FAM171A1: variants seen among roughly 807,000 people sequenced by gnomAD.
FAM171A1 encodes the protein family with sequence similarity 171 member A1.
A neutral mutation model predicts 74.9 loss-of-function variants in FAM171A1; 23 were observed. That is an observed-to-expected ratio of 0.31 (90% CI 0.22 to 0.44). FAM171A1 has a LOEUF of 0.44. Ranked by LOEUF, FAM171A1 falls within the 20% of genes least tolerant of loss-of-function variation. The pLI is 1.00. For missense variants in FAM171A1, 1,162 were observed against 1,159.2 expected (o/e 1.00, Z -0.03); for synonymous variants, 527 against 505.7 (o/e 1.04, Z -0.57).
intron 1 of FAM171A1, among the ~76,000 whole-genome samples, chr10:15,300,308 A>G (rs1835212527): frequency 6.6e-6 from 1 of 152,226 alleles, no homozygotes; most frequent in African/African-American, 2.4e-5. Flanking sequence ...TCACGACCAC[A>G]TGGTCTGGGG....
At chr10:15,215,009 C>G (rs908140492) in intron 7 of FAM171A1, among the ~76,000 whole-genome samples, 3 of 152,012 alleles carry the variant, frequency 2.0e-5, no homozygotes, top group Non-Finnish European at 4.4e-5. Context: ...CAATCCTCCC[C>G]CTTCAGCCTC....
chr10:15,218,696 G>A (rs376517501), intron 6 of FAM171A1, among the ~76,000 whole-genome samples: 3 of 151,786 alleles, frequency 2.0e-5, no homozygotes, highest in Admixed American at 6.6e-5. Context: ...CTGAGCTCAC[G>A]GGATCCTCCT....
At chr10:15,373,968 C>T (rs1201175033), upstream of FAM171A1, among the ~76,000 whole-genome samples, 5 of 152,056 alleles carry the variant, frequency 3.3e-5, no homozygotes, top group East Asian at 1.9e-4. Flanking sequence ...CTAAAGCCAT[C>T]GTTTTCAGTT....
At chr10:15,320,382 C>G (rs1448151548) in intron 1 of FAM171A1, among the ~76,000 whole-genome samples, 2 of 152,176 alleles carry the variant, frequency 1.3e-5, no homozygotes, top group Non-Finnish European at 2.9e-5. Flanking sequence ...TGATGGGCTT[C>G]TAGGTTGATT....
At chr10:15,235,072 G>A (rs1355006547) in intron 5 of FAM171A1, among the ~76,000 whole-genome samples, 1 of 152,130 alleles carries the variant, frequency 6.6e-6, no homozygotes, top group Non-Finnish European at 1.5e-5. Context: ...CACTTTGGGA[G>A]GTCCAGGAGG....
At chr10:15,287,091 C>CTTTTT (rs145921203) in intron 1 of FAM171A1, among the ~76,000 whole-genome samples, 4 of 129,512 alleles carry the variant, frequency 3.1e-5, no homozygotes, top group African/African-American at 8.8e-5. Flanking sequence ...TTTTCTTCTT[C>CTTTTT]TTTTTTTTTT....
chr10:15,222,768 C>T (rs1834054897), intron 5 of FAM171A1, among the ~76,000 whole-genome samples: 1 of 152,256 alleles, frequency 6.6e-6, no homozygotes, highest in African/African-American at 2.4e-5. Context: ...CTGGCAGCCG[C>T]TCCTCTGCTC....
At chr10:15,221,403 G>T (rs548203055) in intron 5 of FAM171A1, among the ~76,000 whole-genome samples, 1 of 152,188 alleles carries the variant, frequency 6.6e-6, no homozygotes, top group Non-Finnish European at 1.5e-5. Context: ...GGGGGCTGGT[G>T]GGAGTGAAAA....
At chr10:15,224,157 G>C (rs1193260145) in intron 5 of FAM171A1, among the ~76,000 whole-genome samples, 2 of 152,118 alleles carry the variant, frequency 1.3e-5, no homozygotes, top group African/African-American at 4.8e-5. Flanking sequence ...TAGTTTTGAT[G>C]AACAGGCAGG....
chr10:15,334,457 A>C (rs1338783446), intron 1 of FAM171A1, among the ~76,000 whole-genome samples: 2 of 152,348 alleles, frequency 1.3e-5, no homozygotes, highest in Non-Finnish European at 2.9e-5. Context: ...TTTTGTTTAT[A>C]ATCTGCAGGA....
chr10:15,325,083 C>G (rs750789557), intron 1 of FAM171A1, among the ~76,000 whole-genome samples: 30 of 152,358 alleles, frequency 2.0e-4, no homozygotes, highest in Middle Eastern at 3.4e-3. Context: ...GCTCCCCACT[C>G]CTTTCCTCCT....
chr10:15,263,725 A>ATCTG (rs1232939087), intron 3 of FAM171A1, among the ~76,000 whole-genome samples: 9 of 122,152 alleles, frequency 7.4e-5, no homozygotes, highest in Admixed American at 1.7e-4. Context: ...CTATCAATCT[A>ATCTG]TCTATCTATC....
chr10:15,349,155 A>G (rs747544763), intron 1 of FAM171A1, among the ~76,000 whole-genome samples: 16 of 152,180 alleles, frequency 1.1e-4, no homozygotes, highest in Non-Finnish European at 1.3e-4. Context: ...CCCTTAGATC[A>G]TTATCCAGAA....
At chr10:15,308,343 G>A (rs1160087150) in intron 1 of FAM171A1, among the ~76,000 whole-genome samples, 1 of 152,196 alleles carries the variant, frequency 6.6e-6, no homozygotes, top group Non-Finnish European at 1.5e-5. Flanking sequence ...TAAATGCTAG[G>A]GGGAGGTTAT....
chr10:15,225,832 C>T (rs952406918), intron 5 of FAM171A1, among the ~76,000 whole-genome samples: 8 of 152,186 alleles, frequency 5.3e-5, no homozygotes, highest in Non-Finnish European at 1.0e-4. Context: ...CTCAAGTCGG[C>T]CCACCTGCCC....
At chr10:15,253,204 A>T (rs1055690935) in intron 4 of FAM171A1, among the ~76,000 whole-genome samples, 6 of 151,908 alleles carry the variant, frequency 3.9e-5, no homozygotes, top group Non-Finnish European at 7.4e-5. Flanking sequence ...GCATTTCATC[A>T]TGTTGGCCAG....
intron 1 of FAM171A1, among the ~76,000 whole-genome samples, chr10:15,300,364 A>G (rs1199730121): frequency 1.3e-5 from 2 of 152,154 alleles, no homozygotes; most frequent in Non-Finnish European, 2.9e-5. Flanking sequence ...GTCTTGGCCA[A>G]GTTCACAGCC....
chr10:15,277,031 A>G (rs924775689), intron 2 of FAM171A1, among the ~76,000 whole-genome samples: 4 of 152,210 alleles, frequency 2.6e-5, no homozygotes, highest in African/African-American at 9.6e-5. Context: ...CTGGATTTCT[A>G]AAAAATTTTA....
At chr10:15,336,571 G>T (rs985651290) in intron 1 of FAM171A1, among the ~76,000 whole-genome samples, 2 of 151,954 alleles carry the variant, frequency 1.3e-5, no homozygotes, top group Admixed American at 1.3e-4. Context: ...TCTGAAATGG[G>T]GATATGTTTT....
Sources: allele counts gnomAD v4.1 joint callset (sites outside exome capture counted in the v4.1 genomes callset), GRCh38; gene constraint gnomAD v4.1.1; transcripts MANE v1.5; gene names NCBI Gene and HGNC (gene_info 2026-07-23, HGNC 2026-07-21).